Variants in THADA observed in about 807,000 individuals in gnomAD.
THADA encodes the protein THADA armadillo repeat containing, also known as tRNA (32-2'-O)-methyltransferase regulator THADA.
THADA carries 213 observed loss-of-function variants against 219.8 expected under a neutral mutation model. That is an observed-to-expected ratio of 0.97 (90% CI 0.87 to 1.09). The LOEUF is 1.09. Ranked by LOEUF, THADA falls within the 50% of genes least tolerant of loss-of-function variation. The probability of loss-of-function intolerance (pLI) is 0.00; values close to 1 mark genes in which losing one functional copy is unlikely to be tolerated. For synonymous variants in THADA, 1,018 were observed against 828.9 expected (o/e 1.23, Z -3.92); for missense variants, 2,956 against 2,311.3 (o/e 1.28, Z -5.72).
At chr2:43,336,114 G>C (rs1666395932) in intron 30 of THADA, among the ~76,000 whole-genome samples, 1 of 150,876 alleles carries the variant, frequency 6.6e-6, no homozygotes, top group Non-Finnish European at 1.5e-5. Context: ...AAAAAAGTTA[G>C]CCAGGTCCAG....
chr2:43,537,867 G>A (rs962288289), intron 21 of THADA, among the ~76,000 whole-genome samples: 1 of 151,092 alleles, frequency 6.6e-6, no homozygotes. Flanking sequence ...TTAAGCCCAG[G>A]AGGTTGAGGC....
chr2:43,455,524 A>G (rs561331505), intron 26 of THADA, among the ~76,000 whole-genome samples: 1 of 148,834 alleles, frequency 6.7e-6, no homozygotes, highest in Non-Finnish European at 1.5e-5. Flanking sequence ...TCTCTCACAC[A>G]CACACACACA....
Position 43,268,060 on chromosome 2 carries a change from C to A in THADA, c.5296+11705G>T, listed in dbSNP as rs771320751. 2.0e-5 allele frequency among the ~76,000 whole-genome samples: 3 copies of A among 152,170 alleles called. No individual in the cohort carries two copies. The South Asian group carries it at 6.2e-4, about 32-fold the overall frequency. ...GGCAGAGAGGGAGAAGACAAGTTGC[C>A]GTCAAGGCCAATTCTTTGTTTTTGA... On this transcript the variant is annotated intron_variant, in intron 36 of 37. Transcript: ENST00000405975.
chr2:43,579,004 G>T (rs1273997773), intron 8 of THADA, among the ~76,000 whole-genome samples: 2 of 152,094 alleles, frequency 1.3e-5, no homozygotes, highest in Non-Finnish European at 2.9e-5. Context: ...GCTAATTTTT[G>T]TATCTTTAGT....
At chr2:43,512,660 G>A (rs1009100818) in intron 22 of THADA, among the ~76,000 whole-genome samples, 14 of 152,100 alleles carry the variant, frequency 9.2e-5, no homozygotes, top group African/African-American at 2.2e-4. Flanking sequence ...GGGCCACCAC[G>A]CCCAGCTAAC....
At chr2:43,408,446 G>A (rs952458641) in intron 28 of THADA, 8 of 152,168 alleles carry the variant, frequency 5.3e-5, no homozygotes, top group African/African-American at 1.9e-4. Flanking sequence ...CTAATGACAA[G>A]AAAAGACACA....
chr2:43,264,690 G>C (rs981464162), intron 36 of THADA, among the ~76,000 whole-genome samples: 11 of 152,264 alleles, frequency 7.2e-5, no homozygotes, highest in Admixed American at 6.5e-4. Flanking sequence ...CAGATTCCTA[G>C]ATCTACTCTG....
intron 31 of THADA, among the ~76,000 whole-genome samples, chr2:43,311,102 G>T (rs2104437655): frequency 6.6e-6 from 1 of 152,260 alleles, no homozygotes; most frequent in African/African-American, 2.4e-5. Flanking sequence ...CTTGAAACCG[G>T]GAGGCGGAGG....
chr2:43,297,855 C>A (rs1315972491), intron 31 of THADA, among the ~76,000 whole-genome samples: 1 of 118,684 alleles, frequency 8.4e-6, no homozygotes, highest in African/African-American at 4.1e-5. Context: ...CGGCCAGCCG[C>A]CCCGTCCGGG....
chr2:43,500,884 A>AT (rs1415487197), intron 24 of THADA, among the ~76,000 whole-genome samples: 4 of 152,208 alleles, frequency 2.6e-5, no homozygotes, highest in African/African-American at 4.8e-5. Flanking sequence ...TGCTGAATAC[A>AT]AGCACAATTA....
In THADA at chr2:43,485,339, G is replaced by A. The variant is rs150317483; in HGVS notation, c.3745-14C>T. 54 of 1,578,602 alleles carry A rather than the reference G, an allele frequency of 3.4e-5. No individual in the cohort carries two copies. Among genetic ancestry groups the A allele is most frequent in the Middle Eastern group, 1.7e-4 (1 of 5,976 alleles). ...TGAATTTCGCACCTAATGTACAAAC[G>A]AAAACACAATAAGGCTTAAATATTC... On this transcript the variant is annotated splice_polypyrimidine_tract_variant and intron_variant, in intron 25 of 37. Coordinates refer to ENST00000405975, the MANE Select transcript of THADA (RefSeq NM_022065.5).
intron 29 of THADA, among the ~76,000 whole-genome samples, chr2:43,379,079 G>A (rs1231595142): frequency 1.3e-5 from 2 of 152,130 alleles, no homozygotes; most frequent in Non-Finnish European, 2.9e-5. Flanking sequence ...TAAATACTGA[G>A]TGTAAAATAA....
intron 25 of THADA, among the ~76,000 whole-genome samples, chr2:43,492,606 G>A (rs897684118): frequency 6.6e-6 from 1 of 152,172 alleles, no homozygotes; most frequent in African/African-American, 2.4e-5. Context: ...TTTGTCTTGT[G>A]TACGTGGTAG....
intron 31 of THADA, among the ~76,000 whole-genome samples, chr2:43,318,282 C>A (rs1284220594): frequency 1.3e-5 from 2 of 152,034 alleles, no homozygotes; most frequent in African/African-American, 4.8e-5. Flanking sequence ...CTCAAGCAAT[C>A]CTCCTGCCTC....
rs527284143 is a variant in THADA, at chr2:43,571,804, G to A, written c.1967C>T (p.Ser656Phe). The part of the protein sequence containing the change: ...CESNRSTEIV[S>F]MEEMQWIQFF... ...CTGAATCCACTGCATTTCTTCCATGGAAACAATTTCTGTGCTCCGATTACT... is the reference window on the plus strand; with the variant it reads ...CTGAATCCACTGCATTTCTTCCATGAAAACAATTTCTGTGCTCCGATTACT... Residue 656 changes from serine (S) to phenylalanine (F), a missense_variant, in exon 13 of 38, where the codon TCC (serine) becomes TTC (phenylalanine). Physicochemically the swap from Ser to Phe is radical, Grantham distance 155. Transcript: ENST00000405975. The A allele has an allele frequency of 8.7e-6, 14 of 1,613,876 alleles. No homozygotes were observed. Among genetic ancestry groups the A allele is most frequent in the African/African-American group, 1.3e-5 (1 of 75,008 alleles).
intron 29 of THADA, among the ~76,000 whole-genome samples, chr2:43,396,353 G>C (rs1674039663): frequency 6.6e-6 from 1 of 152,160 alleles, no homozygotes; most frequent in South Asian, 2.1e-4. Context: ...TGGTGGCCCT[G>C]CTATGTGTTC....
At chr2:43,355,436 G>A (rs988142046) in intron 29 of THADA, among the ~76,000 whole-genome samples, 2 of 152,136 alleles carry the variant, frequency 1.3e-5, no homozygotes, top group Non-Finnish European at 2.9e-5. Flanking sequence ...TTTAACAGAG[G>A]TAAGATAATT....
intron 36 of THADA, among the ~76,000 whole-genome samples, chr2:43,261,928 C>T (rs1425628758): frequency 1.3e-5 from 2 of 151,774 alleles, no homozygotes; most frequent in South Asian, 2.1e-4. Flanking sequence ...TGAGCCACCG[C>T]GCCTGGCAAT....
intron 29 of THADA, among the ~76,000 whole-genome samples, chr2:43,373,449 A>G (rs1049996198): frequency 7.2e-5 from 11 of 152,088 alleles, no homozygotes; most frequent in Non-Finnish European, 2.9e-5. Context: ...AAGGAAAAAA[A>G]TTAATAGCTT....
Sources: allele counts gnomAD v4.1 joint callset (sites outside exome capture counted in the v4.1 genomes callset), GRCh38; gene constraint gnomAD v4.1.1; transcripts MANE v1.5; gene names NCBI Gene and HGNC (gene_info 2026-07-23, HGNC 2026-07-21).